RYR1: variants seen among roughly 807,000 people sequenced by gnomAD.
RYR1 encodes the protein ryanodine receptor 1.
In RYR1, 342 loss-of-function variants were observed where a neutral mutation model predicts 583.5. The ratio of observed to expected loss-of-function variants is 0.59; its 90% CI spans 0.54 to 0.64. The LOEUF (loss-of-function observed/expected upper bound fraction) is 0.64, where lower values mean the gene tolerates loss of function less well. Among genes scored for constraint, RYR1 ranks in the 30% least tolerant of loss-of-function variants. RYR1 has a pLI of 0.00. For missense variants in RYR1, 6,032 were observed against 6,917.2 expected (o/e 0.87, Z 4.54); for synonymous variants, 2,791 against 2,822.5 (o/e 0.99, Z 0.35).
Position 38,494,455 on chromosome 19 carries a change from G to A in RYR1, c.6378G>A (p.Arg2126=). 1 of 1,612,714 alleles carries A rather than the reference G, an allele frequency of 6.2e-7. No homozygotes were observed. The highest frequency in any genetic ancestry group is 8.5e-7 in the Non-Finnish European group (1 of 1,180,024). The part of the protein sequence containing the change: ...LVRAMFSLLH[R]QYDGLGELLR... The stretch of plus-strand genomic sequence containing the variant: ...GGGCCATGTTCAGCCTCCTGCACCG[G>A]CAGTACGACGGGCTGGGTGAGCTGC... Residue 2126 remains arginine (R), a synonymous_variant, in exon 39 of 106, where the codon CGG becomes CGA. Coordinates refer to ENST00000359596, the MANE Select transcript of RYR1 (RefSeq NM_000540.3).
Position 38,496,660 on chromosome 19 carries a change from C to G in RYR1, c.6796+119C>G. 7.4e-7 allele frequency: 1 copy of G among 1,357,806 alleles called. No individual in the cohort carries two copies. The highest frequency in any genetic ancestry group is 1.2e-5 in the South Asian group (1 of 83,640). 84.1% of individuals were successfully genotyped at this position (1,357,806 alleles called of 1,614,324 possible). On this transcript the variant is annotated intron_variant, in intron 41 of 105. Transcript: ENST00000359596. The surrounding 1 kb of genome is among the most constrained non-coding windows in gnomAD (Gnocchi z 4.8). ...CAAACACTCCCTCTCAACTGTGGTT[C>G]TGGCCCTGTAATGAGTAATGCTGGG...
intron 83 of RYR1, 137 bp from the exon 84 acceptor site, chr19:38,537,741 CTT>C: frequency 1.2e-6 from 1 of 837,004 alleles, no homozygotes; most frequent in Non-Finnish European, 2.1e-6. Context: ...CTCACAGTGT[CTT>C]TGGAGTGGCA....
chr19:38,566,854 G>A lies in RYR1; in HGVS notation c.13438-57G>A, dbSNP rs535027040. 8.8e-5 allele frequency: 138 copies of A among 1,563,634 alleles called. No individual in the cohort carries two copies. In the African/African-American group the frequency reaches 1.8e-3, roughly 20 times the overall value. On this transcript the variant is annotated intron_variant, in intron 91 of 105. Transcript: ENST00000359596. ...GAAAGGAGATGAGAGGAGCAGGCAG[G>A]CAGCCTGAGAAGCGCTTAGGGTGAG... is the stretch of plus-strand genomic sequence containing the variant.
In RYR1 at chr19:38,520,563, C is replaced by T. The variant is rs192250223; in HGVS notation, c.10259+1109C>T. Among the ~76,000 whole-genome samples, 27 of 151,680 alleles carry T rather than the reference C, an allele frequency of 1.8e-4. No individual in the cohort carries two copies. The East Asian group carries it at 4.3e-3, about 24-fold the overall frequency. On this transcript the variant is annotated intron_variant, in intron 67 of 105. Transcript: ENST00000359596. ...TACAAAAATTAGCCAGGCGTAGTGA[C>T]GCAGGCTTGAAATCCCAGCTACTCC...
At chr19:38,489,111 T>C (rs1191031788) in intron 34 of RYR1, 66 bp from the exon 35 acceptor site, 2 of 1,429,794 alleles carry the variant, frequency 1.4e-6, no homozygotes, top group African/African-American at 1.4e-5. Context: ...GTCTGGAGAA[T>C]GAGGCCAGGG....
chr19:38,541,881 G>A (rs1054623959), intron 84 of RYR1, among the ~76,000 whole-genome samples: 3 of 151,700 alleles, frequency 2.0e-5, no homozygotes, highest in South Asian at 2.1e-4. Flanking sequence ...CCAGGAGTTC[G>A]AGACCAGCCT....
At position 38,499,018 on chromosome 19, in the gene RYR1, CGCAGGGCAGG is replaced by C. The variant is rs3842417; in HGVS notation, c.6892-75_6892-66del. ...TCAGAGCTGAACCGGACTGAGGAGC[CGCAGGGCAGG>C]GCAGGGCAGGGCAGAGGGCTGAGCC... is the stretch of plus-strand genomic sequence containing the variant. On this transcript the variant is annotated intron_variant, in intron 42 of 105. Transcript: ENST00000359596. The surrounding 1 kb of genome is among the most constrained non-coding windows in gnomAD (Gnocchi z 7.3). 3 of 1,549,392 alleles carry C rather than the reference CGCAGGGCAGG, an allele frequency of 1.9e-6. No individual in the cohort carries two copies. Among genetic ancestry groups the C allele is most frequent in the East Asian group, 2.3e-5 (1 of 43,700 alleles).
chr19:38,457,367 C>G, intron 16 of RYR1, 130 bp from the exon 17 acceptor site: 1 of 1,302,728 alleles, frequency 7.7e-7, no homozygotes, highest in Non-Finnish European at 1.1e-6. Flanking sequence ...ACCACCTCCT[C>G]TCAGTCAAAA....
chr19:38,480,282 A>G (rs1968943021), intron 31 of RYR1, among the ~76,000 whole-genome samples: 1 of 151,858 alleles, frequency 6.6e-6, no homozygotes, highest in Non-Finnish European at 1.5e-5. Flanking sequence ...AGCTGGGACT[A>G]CAGGTATGCA....
rs962843360 is a variant in RYR1, at chr19:38,523,246, G to A, written c.10377G>A (p.Val3459=). ...HNFKREEQNF[V]VQNEINNMSF... The stretch of plus-strand genomic sequence containing the variant: ...TCAAGCGCGAGGAGCAGAACTTTGT[G>A]GTCCAGAATGAGATCAACAACATGT... Residue 3459 remains valine, a synonymous_variant, in exon 69 of 106, where the codon GTG becomes GTA. Coordinates refer to ENST00000359596, the MANE Select transcript of RYR1 (RefSeq NM_000540.3). 6.2e-7 allele frequency: 1 copy of A among 1,614,182 alleles called. No homozygotes were observed. Among genetic ancestry groups the A allele is most frequent in the Admixed American group, 1.7e-5 (1 of 60,016 alleles).
chr19:38,443,205 C>T (rs1223544905), intron 3 of RYR1, among the ~76,000 whole-genome samples: 1 of 152,106 alleles, frequency 6.6e-6, no homozygotes, highest in Non-Finnish European at 1.5e-5. Context: ...GGCCAGAGTA[C>T]ACGGAACACG....
chr19:38,522,664 G>A (rs1382515135), intron 67 of RYR1, among the ~76,000 whole-genome samples: 1 of 151,776 alleles, frequency 6.6e-6, no homozygotes, highest in African/African-American at 2.4e-5. Flanking sequence ...AATTTTAAAT[G>A]TTCAGCTGGG....
At chr19:38,579,899 G>T in intron 99 of RYR1, 83 bp from the exon 100 acceptor site, 1 of 1,588,274 alleles carries the variant, frequency 6.3e-7, no homozygotes, top group South Asian at 1.1e-5. Context: ...GGGCACAGCT[G>T]ACTCTCGAGT....
At chr19:38,548,139 A>G (rs1601002956) in intron 88 of RYR1, 94 bp from the exon 89 acceptor site, 1 of 1,369,378 alleles carries the variant, frequency 7.3e-7, no homozygotes. Flanking sequence ...ACACTCCAGC[A>G]GCGTGGTGGC....
Position 38,448,812 on chromosome 19 carries a change from A to C in RYR1, c.1121A>C (p.Lys374Thr). ...KALRLGVLKK[K>T]AMLHQEGHMD... ...CTGCGGCTCGGCGTGCTCAAGAAGA[A>C]GGTGGGTGTAATCCCAGCTACTCAG... The change falls in exon 11 of 106, where the codon AAG becomes ACG. Residue 374 changes from lysine (K) to threonine (T), a missense_variant and splice_region_variant. Lys to Thr is a moderately conservative substitution (Grantham distance 78). Around this residue, in one of 11 missense-constraint regions of RYR1, gnomAD observed 338 missense variants for 441.6 expected, o/e 0.77. Transcript: ENST00000359596. 6.2e-7 allele frequency: 1 copy of C among 1,613,454 alleles called. No homozygotes were observed. The highest frequency in any genetic ancestry group is 8.5e-7 in the Non-Finnish European group (1 of 1,179,902).
In RYR1 at chr19:38,519,252, C is replaced by T. The variant is rs1971112912; in HGVS notation, c.10057C>T (p.Leu3353Phe). 3 of 1,614,154 alleles carry T rather than the reference C, an allele frequency of 1.9e-6. No individual in the cohort carries two copies. The highest frequency in any genetic ancestry group is 2.5e-6 in the Non-Finnish European group (3 of 1,180,022). ...CATTGTGAGCCGTGCACGGCCGGAG[C>T]TCCTGCAGTCCCACTTCATCCCAAC... ...QPIVSRARPE[L>F]LQSHFIPTIG... Residue 3353 changes from leucine (L) to phenylalanine (F), a missense_variant, in exon 67 of 106, where the codon CTC (leucine) becomes TTC (phenylalanine). Physicochemically the swap from Leu to Phe is conservative, Grantham distance 22. Coordinates refer to ENST00000359596, the MANE Select transcript of RYR1 (RefSeq NM_000540.3).
intron 90 of RYR1, 21 bp from the exon 91 acceptor site, chr19:38,564,938 G>A: frequency 6.4e-7 from 1 of 1,563,040 alleles, no homozygotes; most frequent in Middle Eastern, 1.8e-4. Flanking sequence ...GCCCTATCCT[G>A]TCTGCCGCCC....
Position 38,565,666 on chromosome 19 carries a change from C to A in RYR1, c.13332C>A (p.Gly4444=). ...ADGAVAVTDG[G]PFRPEGAGGL... ...GGGCGGTGGCCGTGACCGATGGGGG[C>A]CCCTTCCGGCCCGAAGGGGCTGGCG... Residue 4444 remains glycine (G), a synonymous_variant, in exon 91 of 106, where the codon GGC becomes GGA. Transcript: ENST00000359596. This position sits in a 1 kb window ranked among gnomAD's most constrained non-coding sequence, Gnocchi z 4.7. 1.4e-6 allele frequency: 2 copies of A among 1,390,346 alleles called. No individual in the cohort carries two copies. The highest frequency in any genetic ancestry group is 1.6e-5 in the South Asian group (1 of 61,430). 86.1% of individuals were successfully genotyped at this position (1,390,346 alleles called of 1,614,324 possible). A position where few individuals can be genotyped will look rare whatever the true frequency, so the allele number is the denominator to read the frequency against.
At chr19:38,554,872 TA>T (rs1220619402) in intron 89 of RYR1, among the ~76,000 whole-genome samples, 2 of 152,190 alleles carry the variant, frequency 1.3e-5, no homozygotes, top group African/African-American at 4.8e-5. Context: ...GTCTCTTAAT[TA>T]AAACACTTCC....
Sources: gnomAD v4.1 joint callset for allele counts (sites outside exome capture counted in the v4.1 genomes callset) on GRCh38, gnomAD v4.1.1 for gene constraint, gnomAD v4.1.1 regional missense constraint, Gnocchi (gnomAD v3.1) non-coding constraint, MANE v1.5 for transcripts, NCBI Gene and HGNC (gene_info 2026-07-23, HGNC 2026-07-21) for gene names.